SYNGR3: variants seen among roughly 807,000 people sequenced by gnomAD.
SYNGR3 encodes the protein synaptogyrin-3.
Under a neutral mutation model 18.5 loss-of-function variants are expected in SYNGR3, and 10 were observed. That is an observed-to-expected ratio of 0.54 (90% confidence interval 0.33 to 0.92). The LOEUF is 0.92. Ranked by LOEUF, SYNGR3 falls within the 40% of genes least tolerant of loss-of-function variation. The pLI, the probability that SYNGR3 is intolerant of heterozygous loss-of-function variation, is 0.02. For missense variants in SYNGR3, 335 were observed against 332.8 expected, an observed-to-expected ratio of 1.01 and a Z score of -0.05; for synonymous variants, 188 against 157.2, an observed-to-expected ratio of 1.20 and a Z score of -1.47.
chr16:1,990,160 T>C lies in SYNGR3; in HGVS notation c.58T>C (p.Phe20Leu). Reference sequence around the variant, plus strand: ...AGGGGCCGCCCTGGACCCCGTGAGCTTTGCGCGGCGGCCCCAGACCCTGCT... The same window carrying C: ...AGGGGCCGCCCTGGACCCCGTGAGCCTTGCGCGGCGGCCCCAGACCCTGCT... ...RAGAALDPVS[F>L]ARRPQTLLRV... is the part of the protein sequence containing the mutation. The change falls in exon 1 of 4, where the codon TTT becomes CTT. Residue 20 changes from phenylalanine (F) to leucine (L), a missense_variant. Physicochemically the swap from Phe to Leu is conservative, Grantham distance 22. Coordinates refer to ENST00000248121, the MANE Select transcript of SYNGR3 (RefSeq NM_004209.6). 7.9e-7 allele frequency: 1 copy of C among 1,262,732 alleles called. No individual in the cohort carries two copies. The highest frequency in any genetic ancestry group is 1.0e-6 in the Non-Finnish European group (1 of 1,001,826). The allele number at this position is 1,262,732 out of a possible 1,614,324, so 78.2% of individuals were successfully genotyped here. A position where few individuals can be genotyped will look rare whatever the true frequency, so the allele number is the denominator to read the frequency against.
chr16:1,994,061 A>G lies in SYNGR3; in HGVS notation c.*989A>G, dbSNP rs1329750617. On this transcript the variant is annotated 3_prime_UTR_variant, in exon 4 of 4. Coordinates refer to ENST00000248121, the MANE Select transcript of SYNGR3 (RefSeq NM_004209.6). ...CCAAACGTGGTTGCCACATTTCATCAGACAGACACCTCCCTCTGGAGATGC... is the reference window on the plus strand; with the variant it reads ...CCAAACGTGGTTGCCACATTTCATCGGACAGACACCTCCCTCTGGAGATGC... 5.5e-5 allele frequency: 9 copies of G among 163,644 alleles called. No homozygotes were observed. The highest frequency in any genetic ancestry group is 5.2e-4 in the Admixed American group (9 of 17,186). The allele number at this position is 163,644 out of a possible 1,614,324, so 10.1% of individuals were successfully genotyped here.
rs1002780657 is a variant in SYNGR3, at chr16:1,993,170, G to A, written c.*98G>A. ...TTGGGTCCTTCCAGCTCAGTGCCGC[G>A]GACAGAGTAGGTGGCCGCTTTGCGC... On this transcript the variant is annotated 3_prime_UTR_variant, in exon 4 of 4. Coordinates refer to ENST00000248121, the MANE Select transcript of SYNGR3 (RefSeq NM_004209.6). 1.1e-5 allele frequency: 16 copies of A among 1,416,558 alleles called. No individual in the cohort carries two copies. Among genetic ancestry groups the A allele is most frequent in the Admixed American group, 2.1e-5 (1 of 46,754 alleles). The allele number at this position is 1,416,558 out of a possible 1,614,324, so 87.7% of individuals were successfully genotyped here. A position where few individuals can be genotyped will look rare whatever the true frequency, so the allele number is the denominator to read the frequency against.
At chr16:1,990,237 C>T in intron 1 of SYNGR3, 36 bp downstream of exon 1, 1 of 1,177,286 alleles carries the variant, frequency 8.5e-7, no homozygotes, top group Non-Finnish European at 1.1e-6. Flanking sequence ...GCTCCCGCCC[C>T]TGCCTCGCGA....
Position 1,989,995 on chromosome 16 carries a change from TAGCATCAGCATC to T in SYNGR3, c.-98_-87del, listed in dbSNP as rs537133163. 3.1e-6 allele frequency: 1 copy of T among 326,234 alleles called. No individual in the cohort carries two copies. Among genetic ancestry groups the T allele is most frequent in the East Asian group, 6.8e-5 (1 of 14,686 alleles). 20.2% of individuals were successfully genotyped at this position (326,234 alleles called of 1,614,324 possible). On this transcript the variant is annotated 5_prime_UTR_variant, in exon 1 of 4. Transcript: ENST00000248121. ...GAGGCGGCAGCGGCTGCAGCGTTGG[TAGCATCAGCATC>T]AGCATCAGCGGCAGCGGCAGCGGCC... is the stretch of plus-strand genomic sequence containing the variant.
chr16:1,993,095 G>T lies in SYNGR3; in HGVS notation c.*23G>T. 1 of 1,594,384 alleles carries T rather than the reference G, an allele frequency of 6.3e-7. No individual in the cohort carries two copies. Among genetic ancestry groups the T allele is most frequent in the Non-Finnish European group, 8.5e-7 (1 of 1,172,078 alleles). Reference sequence around the variant, plus strand: ...TAGCGGCTGGCAGGCACAGACCAGGGCTCCAAGGCCACCCCACCAACGCAG... The same window carrying T: ...TAGCGGCTGGCAGGCACAGACCAGGTCTCCAAGGCCACCCCACCAACGCAG... On this transcript the variant is annotated 3_prime_UTR_variant, in exon 4 of 4. Transcript: ENST00000248121.
chr16:1,993,209 G>A lies in SYNGR3; in HGVS notation c.*137G>A. On this transcript the variant is annotated 3_prime_UTR_variant, in exon 4 of 4. Coordinates refer to ENST00000248121, the MANE Select transcript of SYNGR3 (RefSeq NM_004209.6). The stretch of plus-strand genomic sequence containing the variant: ...GCCGCTTTGCGCCATCCGGGGCCAA[G>A]AGGGGGTGGACCCGCGTGTCTGGGC... 8.9e-7 allele frequency: 1 copy of A among 1,127,730 alleles called. No homozygotes were observed. Among genetic ancestry groups the A allele is most frequent in the Non-Finnish European group, 1.2e-6 (1 of 802,714 alleles). 69.9% of individuals were successfully genotyped at this position (1,127,730 alleles called of 1,614,324 possible).
At position 1,991,881 on chromosome 16, in the gene SYNGR3, G is replaced by A. The variant is rs1204819339; in HGVS notation, c.100-93G>A. The A allele has an allele frequency of 1.7e-5, 19 of 1,116,494 alleles. No homozygotes were observed. The East Asian group carries it at 4.8e-4, about 28-fold the overall frequency. The allele number at this position is 1,116,494 out of a possible 1,614,324, so 69.2% of individuals were successfully genotyped here. A position where few individuals can be genotyped will look rare whatever the true frequency, so the allele number is the denominator to read the frequency against. On this transcript the variant is annotated intron_variant, in intron 1 of 3. Transcript: ENST00000248121. ...CGCCCCCCACCCAGATACGGGCCTG[G>A]GAACGCAGGGACAGGCCCAGGGGCG...
At chr16:1,990,301 C>A in intron 1 of SYNGR3, 100 bp downstream of exon 1, 3 of 478,626 alleles carry the variant, frequency 6.3e-6, no homozygotes, top group Non-Finnish European at 9.6e-6. Flanking sequence ...CTGCTTCTCG[C>A]CCCCCGACCT....
Position 1,992,923 on chromosome 16 carries a change from G to A in SYNGR3, c.541G>A (p.Ala181Thr), listed in dbSNP as rs760931219. Residue 181 changes from alanine (A) to threonine (T), a missense_variant, in exon 4 of 4, where the codon GCC becomes ACC. By Grantham distance (58) the Ala-to-Thr change is moderately conservative (BLOSUM62 0). Coordinates refer to ENST00000248121, the MANE Select transcript of SYNGR3 (RefSeq NM_004209.6). ...CCTGGGCACCGACATGTCACTCTTC[G>A]CCACCGAACAGCTGAGCACCGGGGC... ...FRLGTDMSLFATEQLSTGASQ... is the reference protein window; with the variant it reads ...FRLGTDMSLFTTEQLSTGASQ... The A allele has an allele frequency of 6.2e-7, 1 of 1,609,534 alleles. No homozygotes were observed.
At position 1,990,140 on chromosome 16, in the gene SYNGR3, C is replaced by A; in HGVS notation, c.38C>A (p.Ala13Asp). ...TCCTTCGGCGCGGGCCGCGCAGGGG[C>A]CGCCCTGGACCCCGTGAGCTTTGCG... is the stretch of plus-strand genomic sequence containing the variant. ...GASFGAGRAG[A>D]ALDPVSFARR... The change falls in exon 1 of 4, where the codon GCC (alanine) becomes GAC (aspartate). Residue 13 changes from alanine (A) to aspartate (D), a missense_variant. Transcript: ENST00000248121. 8.1e-7 allele frequency: 1 copy of A among 1,229,532 alleles called. No homozygotes were observed. The allele number at this position is 1,229,532 out of a possible 1,614,324, so 76.2% of individuals were successfully genotyped here. A position where few individuals can be genotyped will look rare whatever the true frequency, so the allele number is the denominator to read the frequency against.
chr16:1,992,482 G>T, intron 2 of SYNGR3, 154 bp from the exon 3 acceptor site: 1 of 1,099,722 alleles, frequency 9.1e-7, no homozygotes, highest in Non-Finnish European at 1.2e-6. Flanking sequence ...GGGTGGGCGG[G>T]GTCAGCGCAG....
chr16:1,992,214 G>C lies in SYNGR3; in HGVS notation c.337+3G>C. 7.3e-7 allele frequency: 1 copy of C among 1,377,468 alleles called. No individual in the cohort carries two copies. The highest frequency in any genetic ancestry group is 2.7e-4 in the Middle Eastern group (1 of 3,726). The allele number at this position is 1,377,468 out of a possible 1,614,324, so 85.3% of individuals were successfully genotyped here. ...GTTGCTGGACCTGGGCTTCTCAGGT[G>C]GGCGGGGCCGGGGCGGTGAGCGCGG... On this transcript the variant is annotated splice_donor_region_variant and intron_variant, in intron 2 of 3. Transcript: ENST00000248121.
At chr16:1,991,011 GA>G (rs1450917710) in intron 1 of SYNGR3, 6 of 151,928 alleles carry the variant, frequency 3.9e-5, no homozygotes, top group African/African-American at 1.4e-4. Flanking sequence ...CACTCTTGGG[GA>G]CAAGTGCATG....
Position 1,993,032 on chromosome 16 carries a change from T to A in SYNGR3, c.650T>A (p.Leu217Gln). 6.2e-7 allele frequency: 1 copy of A among 1,609,634 alleles called. No homozygotes were observed. The highest frequency in any genetic ancestry group is 8.5e-7 in the Non-Finnish European group (1 of 1,179,188). ...TYQSPPFTET[L>Q]DTSPKGYQVP... ...CAGAGCCCGCCCTTCACCGAGACCC[T>A]GGACACCAGCCCCAAAGGGTACCAG... is the stretch of plus-strand genomic sequence containing the variant. Residue 217 changes from leucine (L) to glutamine (Q), a missense_variant, in exon 4 of 4, where the codon CTG becomes CAG. Leu to Gln is a moderately radical substitution (Grantham distance 113, BLOSUM62 -2). Transcript: ENST00000248121.
At position 1,993,042 on chromosome 16, in the gene SYNGR3, C is replaced by T; in HGVS notation, c.660C>T (p.Ser220=). 6.2e-7 allele frequency: 1 copy of T among 1,611,784 alleles called. No homozygotes were observed. The highest frequency in any genetic ancestry group is 2.2e-5 in the East Asian group (1 of 44,822). Residue 220 remains serine, a synonymous_variant, in exon 4 of 4, where the codon AGC becomes AGT. Coordinates refer to ENST00000248121, the MANE Select transcript of SYNGR3 (RefSeq NM_004209.6). ...SPPFTETLDT[S]PKGYQVPAY ...CCTTCACCGAGACCCTGGACACCAGCCCCAAAGGGTACCAGGTGCCCGCCT... is the reference window on the plus strand; with the variant it reads ...CCTTCACCGAGACCCTGGACACCAGTCCCAAAGGGTACCAGGTGCCCGCCT...
In SYNGR3 at chr16:1,992,825, C is replaced by T. The variant is rs1041110160; in HGVS notation, c.481-38C>T. 6.0e-6 allele frequency: 9 copies of T among 1,508,562 alleles called. No individual in the cohort carries two copies. In the African/African-American group the frequency reaches 1.1e-4, roughly 19 times the overall value. The allele number at this position is 1,508,562 out of a possible 1,614,324, so 93.4% of individuals were successfully genotyped here. A position where few individuals can be genotyped will look rare whatever the true frequency, so the allele number is the denominator to read the frequency against. On this transcript the variant is annotated intron_variant, in intron 3 of 3. Transcript: ENST00000248121. ...GCGGGGCGAAGGGGCGGGCGCTCGG[C>T]TGATCCCGGCTGACCCCGCTGACCC... is the stretch of plus-strand genomic sequence containing the variant.
chr16:1,993,889 G>C lies in SYNGR3; in HGVS notation c.*817G>C. The C allele has an allele frequency of 3.3e-6, 1 of 303,156 alleles. No individual in the cohort carries two copies. Among genetic ancestry groups the C allele is most frequent in the Non-Finnish European group, 6.6e-6 (1 of 152,112 alleles). 18.8% of individuals were successfully genotyped at this position (303,156 alleles called of 1,614,324 possible). A position where few individuals can be genotyped will look rare whatever the true frequency, so the allele number is the denominator to read the frequency against. ...CACCGTGCCCCACAAGATGGCCCCTGTGTGGTTCCCTTTACCTTGGCTTCC... is the reference window on the plus strand; with the variant it reads ...CACCGTGCCCCACAAGATGGCCCCTCTGTGGTTCCCTTTACCTTGGCTTCC... On this transcript the variant is annotated 3_prime_UTR_variant, in exon 4 of 4. Transcript: ENST00000248121.
intron 1 of SYNGR3, among the ~76,000 whole-genome samples, chr16:1,990,963 C>G (rs1224760560): frequency 6.6e-6 from 1 of 152,250 alleles, no homozygotes; most frequent in East Asian, 1.9e-4. Flanking sequence ...AGGCAGGACG[C>G]TGCGTTTTGG....
At chr16:1,991,706 T>C (rs2083604697) in intron 1 of SYNGR3, 1 of 487,466 alleles carries the variant, frequency 2.1e-6, no homozygotes, top group Non-Finnish European at 3.6e-6. Context: ...ACAATGGCGA[T>C]CCCACGGGGA....
Sources: allele counts gnomAD v4.1 joint callset (sites outside exome capture counted in the v4.1 genomes callset), GRCh38; gene constraint gnomAD v4.1.1; transcripts MANE v1.5; gene names NCBI Gene and HGNC (gene_info 2026-07-23, HGNC 2026-07-21).